Variants in NLGN1 observed in about 807,000 individuals in gnomAD.
NLGN1 encodes the protein neuroligin-1.
A neutral mutation model predicts 65.5 loss-of-function variants in NLGN1; 12 were observed. That is an observed-to-expected ratio of 0.18 (90% CI 0.12 to 0.30). The LOEUF (loss-of-function observed/expected upper bound fraction) is 0.30, where lower values mean the gene tolerates loss of function less well. NLGN1 is among the 10% of genes least tolerant of loss of function. The pLI, the probability that NLGN1 is intolerant of heterozygous loss-of-function variation, is 1.00. For synonymous variants in NLGN1, 350 were observed against 359.5 expected (o/e 0.97, Z 0.30); for missense variants, 750 against 1,007.1 (o/e 0.74, Z 3.46).
intron 2 of NLGN1, among the ~76,000 whole-genome samples, chr3:173,526,239 C>A (rs1735620983): frequency 6.6e-6 from 1 of 151,880 alleles, no homozygotes; most frequent in South Asian, 2.1e-4. Context: ...GTTTGTAAAC[C>A]TCGGTACTCC....
chr3:173,525,178 T>C (rs1735419780), intron 2 of NLGN1, among the ~76,000 whole-genome samples: 1 of 152,222 alleles, frequency 6.6e-6, no homozygotes. Context: ...TACCAGCTCC[T>C]TTTATGTCTG....
chr3:173,704,208 A>G (rs764386274), intron 3 of NLGN1, among the ~76,000 whole-genome samples: 5 of 152,222 alleles, frequency 3.3e-5, no homozygotes, highest in Admixed American at 6.5e-5. Context: ...AGTGTGGCAC[A>G]TAGAAGTGTG....
chr3:173,533,022 T>C (rs540083498), intron 2 of NLGN1, among the ~76,000 whole-genome samples: 23 of 152,334 alleles, frequency 1.5e-4, no homozygotes, highest in Admixed American at 1.4e-3. Context: ...TATTCTTGAT[T>C]CACTGACCAG....
At chr3:174,041,931 G>T (rs569804061) in intron 4 of NLGN1, among the ~76,000 whole-genome samples, 1 of 152,228 alleles carries the variant, frequency 6.6e-6, no homozygotes, top group East Asian at 1.9e-4. Flanking sequence ...GCAGGTGCCT[G>T]TAATTCCAGC....
chr3:174,268,399 A>G (rs1748693074), intron 4 of NLGN1, among the ~76,000 whole-genome samples: 1 of 152,138 alleles, frequency 6.6e-6, no homozygotes. Flanking sequence ...AAACGCTAAC[A>G]GCCTTAAATT....
At chr3:174,257,731 A>G (rs576783099) in intron 4 of NLGN1, among the ~76,000 whole-genome samples, 3 of 151,448 alleles carry the variant, frequency 2.0e-5, no homozygotes, top group African/African-American at 4.8e-5. Flanking sequence ...ATATATATAT[A>G]TATATATTTA....
At chr3:173,721,851 G>A (rs971738921) in intron 3 of NLGN1, among the ~76,000 whole-genome samples, 1 of 151,680 alleles carries the variant, frequency 6.6e-6, no homozygotes, top group Non-Finnish European at 1.5e-5. Flanking sequence ...TGGGAAAGTG[G>A]CCCCCATTTG....
At chr3:173,953,191 G>T (rs947497239) in intron 4 of NLGN1, among the ~76,000 whole-genome samples, 2 of 152,148 alleles carry the variant, frequency 1.3e-5, no homozygotes, top group Non-Finnish European at 2.9e-5. Flanking sequence ...GCAAGTAATT[G>T]TATTTAAACA....
At position 173,755,220 on chromosome 3, in the gene NLGN1, T is replaced by C. The variant is rs1307639156; in HGVS notation, c.494-52460T>C. Among the ~76,000 whole-genome samples, 5 of 152,106 alleles carry C rather than the reference T, an allele frequency of 3.3e-5. No homozygotes were observed. In the South Asian group the frequency reaches 6.2e-4, roughly 19 times the overall value. ...GAGCAAAACTGTACTATGTGTATTATCAAGGTTTACCAATATTCTGATGTT... is the reference window on the plus strand; with the variant it reads ...GAGCAAAACTGTACTATGTGTATTACCAAGGTTTACCAATATTCTGATGTT... On this transcript the variant is annotated intron_variant, in intron 3 of 6. Transcript: ENST00000457714.
chr3:174,128,147 T>C (rs964196735), intron 4 of NLGN1, among the ~76,000 whole-genome samples: 1 of 152,142 alleles, frequency 6.6e-6, no homozygotes, highest in African/African-American at 2.4e-5. Context: ...ATATGAAATT[T>C]TTATTGGAAA....
chr3:174,199,076 A>G (rs112489736), intron 4 of NLGN1, among the ~76,000 whole-genome samples: 31,246 of 151,752 alleles, frequency 0.21, 3,619 homozygotes, highest in African/African-American at 0.31. Flanking sequence ...CGAACTCCCG[A>G]CTTCAGGTGA....
At chr3:173,885,876 A>C (rs988710119) in intron 4 of NLGN1, among the ~76,000 whole-genome samples, 1 of 152,162 alleles carries the variant, frequency 6.6e-6, no homozygotes, top group African/African-American at 2.4e-5. Context: ...AAAACCCAGA[A>C]GATAAATGGA....
chr3:173,731,399 G>A (rs1302429210), intron 3 of NLGN1, among the ~76,000 whole-genome samples: 1 of 151,922 alleles, frequency 6.6e-6, no homozygotes, highest in Admixed American at 6.6e-5. Flanking sequence ...TTTTATTTTG[G>A]AAATGCACAA....
intron 3 of NLGN1, among the ~76,000 whole-genome samples, chr3:173,739,146 A>G (rs1331860467): frequency 6.6e-6 from 1 of 151,998 alleles, no homozygotes; most frequent in Non-Finnish European, 1.5e-5. Context: ...AGTCGTACTC[A>G]TGGAACATCA....
rs548871243 is a variant in NLGN1 at position 173,791,594 on chromosome 3, A to G, written c.494-16086A>G. Among the ~76,000 whole-genome samples the G allele has an allele frequency of 6.0e-5, 9 of 151,084 alleles. No individual in the cohort carries two copies. The South Asian group carries it at 1.9e-3, about 32-fold the overall frequency. On this transcript the variant is annotated intron_variant, in intron 3 of 6. Transcript: ENST00000457714. Reference sequence around the variant, plus strand: ...TTTAATTTAAATTTCAATTGCATCTAGATGAAGTGTTGCTTGGGGTAGTGC... The same window carrying G: ...TTTAATTTAAATTTCAATTGCATCTGGATGAAGTGTTGCTTGGGGTAGTGC...
chr3:173,527,548 C>A (rs146352018), intron 2 of NLGN1, among the ~76,000 whole-genome samples: 1 of 152,244 alleles, frequency 6.6e-6, no homozygotes, highest in African/African-American at 2.4e-5. Context: ...CAGGCGCCCG[C>A]CACCACGCCC....
intron 2 of NLGN1, among the ~76,000 whole-genome samples, chr3:173,549,857 G>C (rs908879174): frequency 1.1e-4 from 16 of 152,136 alleles, no homozygotes; most frequent in Admixed American, 2.6e-4. Context: ...CTCTATTATG[G>C]AAGTCAGTCA....
chr3:174,040,592 T>C (rs1187337261), intron 4 of NLGN1, among the ~76,000 whole-genome samples: 3 of 152,154 alleles, frequency 2.0e-5, no homozygotes, highest in African/African-American at 7.2e-5. Context: ...AGAAAATGAA[T>C]AGGCAATCCA....
intron 4 of NLGN1, among the ~76,000 whole-genome samples, chr3:174,078,786 C>A (rs557117744): frequency 6.6e-6 from 1 of 152,254 alleles, no homozygotes; most frequent in Admixed American, 6.5e-5. Flanking sequence ...ACTGCTGTTT[C>A]AACTTAGAAG....
Sources: allele counts gnomAD v4.1 joint callset (sites outside exome capture counted in the v4.1 genomes callset), GRCh38; gene constraint gnomAD v4.1.1; transcripts MANE v1.5; gene names NCBI Gene and HGNC (gene_info 2026-07-23, HGNC 2026-07-21).